PTPRQ: variants seen among roughly 807,000 people sequenced by gnomAD.
PTPRQ encodes the protein protein tyrosine phosphatase receptor type Q.
PTPRQ carries 199 observed loss-of-function variants against 246.0 expected under a neutral mutation model. The ratio of observed to expected loss-of-function variants is 0.81; its 90% CI spans 0.72 to 0.91. PTPRQ has a LOEUF of 0.91. PTPRQ is among the 40% of genes least tolerant of loss of function. The pLI, the probability that PTPRQ is intolerant of heterozygous loss-of-function variation, is 0.00. For missense variants in PTPRQ, 2,624 were observed against 2,528.4 expected, an observed-to-expected ratio of 1.04 and a Z score of -0.81; for synonymous variants, 869 against 853.2, an observed-to-expected ratio of 1.02 and a Z score of -0.32.
chr12:80,503,328 G>T (rs1347140234), intron 14 of PTPRQ, among the ~76,000 whole-genome samples: 3 of 151,770 alleles, frequency 2.0e-5, no homozygotes, highest in Non-Finnish European at 4.4e-5. Flanking sequence ...CAGATAGAAA[G>T]GATAGTGGAA....
chr12:80,487,642 C>A (rs1894321510), intron 9 of PTPRQ, among the ~76,000 whole-genome samples: 1 of 152,082 alleles, frequency 6.6e-6, no homozygotes, highest in African/African-American at 2.4e-5. Flanking sequence ...TGACTTAGAT[C>A]CTACTTAGCA....
chr12:80,514,981 A>C (rs1471631326), intron 17 of PTPRQ, among the ~76,000 whole-genome samples: 1 of 150,864 alleles, frequency 6.6e-6, no homozygotes, highest in Non-Finnish European at 1.5e-5. Flanking sequence ...AATTTTCAGC[A>C]TTGTCTTACT....
intron 35 of PTPRQ, among the ~76,000 whole-genome samples, chr12:80,642,762 T>C (rs1310047335): frequency 6.7e-6 from 1 of 149,392 alleles, no homozygotes; most frequent in East Asian, 2.0e-4. Flanking sequence ...CTACTAAAAA[T>C]ACAAAAAATT....
rs531589536 is a variant in PTPRQ at position 80,472,171 on chromosome 12, T to C, written c.1106T>C (p.Met369Thr). 4.5e-6 allele frequency: 7 copies of C among 1,551,618 alleles called. No homozygotes were observed. The highest frequency in any genetic ancestry group is 2.4e-5 in the East Asian group (1 of 40,908). Residue 369 changes from methionine (M) to threonine (T), a missense_variant, in exon 8 of 45, where the codon ATG becomes ACG. Met to Thr is a moderately conservative substitution (Grantham distance 81). Transcript: ENST00000644991. ...FAFTNLTPFT[M>T]YDVYIAAETS... is the part of the protein sequence containing the mutation. ...TTCACTAACCTAACACCATTTACAA[T>C]GTATGATGTCTATATTGCGGCTGAA...
At chr12:80,448,776 G>T (rs1376774561) in intron 3 of PTPRQ, among the ~76,000 whole-genome samples, 3 of 148,600 alleles carry the variant, frequency 2.0e-5, no homozygotes, top group Non-Finnish European at 4.4e-5. Context: ...GTCTATCATT[G>T]TTGGACATTT....
rs1441019323 is a variant in PTPRQ at position 80,517,232 on chromosome 12, T to C, written c.2678+6789T>C. 2.6e-5 allele frequency among the ~76,000 whole-genome samples: 4 copies of C among 152,086 alleles called. No homozygotes were observed. In the South Asian group the frequency reaches 6.2e-4, roughly 24 times the overall value. On this transcript the variant is annotated intron_variant, in intron 17 of 44. Transcript: ENST00000644991. ...CAATTTCCTTTGTTTCTTATAAAAA[T>C]CAGAACACTTTTGCCATATTTCCTG...
At chr12:80,546,725 G>A (rs1386610554) in intron 24 of PTPRQ, 28 bp downstream of exon 24, 6 of 1,538,864 alleles carry the variant, frequency 3.9e-6, no homozygotes, top group Non-Finnish European at 3.5e-6. Context: ...AGCCTAAAAT[G>A]TTTCTTTTTA....
At chr12:80,610,313 G>A (rs1253719276) in intron 27 of PTPRQ, 126 bp from the exon 28 acceptor site, 1 of 714,558 alleles carries the variant, frequency 1.4e-6, no homozygotes, top group Non-Finnish European at 2.0e-6. Flanking sequence ...AGAGCAATCT[G>A]ATTGTAAAAT....
At chr12:80,480,177 G>T (rs11503530) in intron 8 of PTPRQ, among the ~76,000 whole-genome samples, 1 of 151,830 alleles carries the variant, frequency 6.6e-6, no homozygotes, top group Non-Finnish European at 1.5e-5. Flanking sequence ...AACTATCTCT[G>T]AGACCACAGT....
chr12:80,444,339 A>C lies in PTPRQ; in HGVS notation c.-7A>C. ...TGTGATTCTACTGGCTGAAAAATGT[A>C]ATAAAGATGGATTTTCTTATCATTT... On this transcript the variant is annotated 5_prime_UTR_variant, in exon 1 of 45. It removes the in-frame stop codon of an upstream open reading frame in the 5' UTR. Transcript: ENST00000644991. The C allele has an allele frequency of 7.1e-7, 1 of 1,412,252 alleles. No individual in the cohort carries two copies. The highest frequency in any genetic ancestry group is 1.8e-4 in the Middle Eastern group (1 of 5,680). 87.5% of individuals were successfully genotyped at this position (1,412,252 alleles called of 1,614,324 possible). A position where few individuals can be genotyped will look rare whatever the true frequency, so the allele number is the denominator to read the frequency against.
chr12:80,664,848 A>G (rs1900736919), intron 39 of PTPRQ, among the ~76,000 whole-genome samples: 1 of 152,026 alleles, frequency 6.6e-6, no homozygotes, highest in South Asian at 2.1e-4. Flanking sequence ...CATAGGTTCT[A>G]TCTCATCTTC....
intron 9 of PTPRQ, among the ~76,000 whole-genome samples, chr12:80,485,845 C>G (rs1894256315): frequency 6.6e-6 from 1 of 152,022 alleles, no homozygotes. Flanking sequence ...GTGGCCACAC[C>G]TGTTTTTCCA....
intron 25 of PTPRQ, among the ~76,000 whole-genome samples, chr12:80,560,613 A>G (rs886929402): frequency 6.6e-6 from 1 of 152,236 alleles, no homozygotes; most frequent in Non-Finnish European, 1.5e-5. Context: ...AAATTAAAAA[A>G]AATTTGGACA....
At chr12:80,613,213 A>C (rs1898619751) in intron 28 of PTPRQ, among the ~76,000 whole-genome samples, 1 of 150,632 alleles carries the variant, frequency 6.6e-6, no homozygotes, top group Non-Finnish European at 1.5e-5. Flanking sequence ...AATGGGGAAA[A>C]CTGGGAGAAA....
chr12:80,498,105 A>G (rs892091284), intron 14 of PTPRQ, among the ~76,000 whole-genome samples: 1 of 152,090 alleles, frequency 6.6e-6, no homozygotes, highest in Admixed American at 6.6e-5. Flanking sequence ...TTGAAGTGAC[A>G]CTTAATTGAT....
intron 33 of PTPRQ, among the ~76,000 whole-genome samples, chr12:80,624,128 T>C (rs1413920057): frequency 3.3e-5 from 5 of 152,148 alleles, no homozygotes; most frequent in Admixed American, 3.3e-4. Flanking sequence ...TGAATCTTTG[T>C]GTGCTCTGGA....
At chr12:80,448,150 AT>A (rs1471513043) in intron 3 of PTPRQ, among the ~76,000 whole-genome samples, 2 of 151,904 alleles carry the variant, frequency 1.3e-5, no homozygotes, top group Non-Finnish European at 2.9e-5. Flanking sequence ...TTTTGTGGCT[AT>A]CGTAAATGGG....
chr12:80,558,674 T>C (rs980635904), intron 25 of PTPRQ, among the ~76,000 whole-genome samples: 1 of 152,098 alleles, frequency 6.6e-6, no homozygotes, highest in Non-Finnish European at 1.5e-5. Context: ...CATATGGTAG[T>C]TGCATGTTAA....
At chr12:80,528,183 C>T (rs1052565182) in intron 17 of PTPRQ, among the ~76,000 whole-genome samples, 3 of 152,074 alleles carry the variant, frequency 2.0e-5, no homozygotes, top group African/African-American at 7.2e-5. Flanking sequence ...TAAGATATAA[C>T]TTATACACTT....
Sources: gnomAD v4.1 joint callset for allele counts (sites outside exome capture counted in the v4.1 genomes callset) on GRCh38, gnomAD v4.1.1 for gene constraint, MANE v1.5 for transcripts, NCBI Gene and HGNC (gene_info 2026-07-23, HGNC 2026-07-21) for gene names.